The following HARBI1 variants were observed in gnomAD, a reference collection of about 807,000 sequenced individuals.
HARBI1 encodes putative nuclease HARBI1.
Under a neutral mutation model 25.3 loss-of-function variants are expected in HARBI1, and 15 were observed. That is an observed-to-expected ratio of 0.59 (90% confidence interval 0.40 to 0.91). The LOEUF (loss-of-function observed/expected upper bound fraction) is 0.91, where lower values mean the gene tolerates loss of function less well. Among genes scored for constraint, HARBI1 ranks in the 40% least tolerant of loss-of-function variants. The probability of loss-of-function intolerance (pLI) is 0.00; values close to 1 mark genes in which losing one functional copy is unlikely to be tolerated. For synonymous variants in HARBI1, 168 were observed against 160.5 expected (o/e 1.05, Z -0.35); for missense variants, 396 against 445.8 (o/e 0.89, Z 1.01).
intron 1 of HARBI1, 155 bp downstream of exon 1, chr11:46,616,969 T>C: frequency 1.0e-6 from 1 of 983,738 alleles, no homozygotes; most frequent in Non-Finnish European, 1.2e-6. Context: ...GGCCAGGAAG[T>C]ACGGAAGACC....
At chr11:46,614,936 G>C (rs2045317414) in intron 2 of HARBI1, among the ~76,000 whole-genome samples, 2 of 152,046 alleles carry the variant, frequency 1.3e-5, no homozygotes, top group South Asian at 4.1e-4. Context: ...TTTTGAGATG[G>C]AGTTTTGCTC....
Position 46,611,687 on chromosome 11 carries a change from G to A in HARBI1, c.670+3881C>T, listed in dbSNP as rs548013922. On this transcript the variant is annotated intron_variant, in intron 2 of 2. Coordinates refer to ENST00000326737, the MANE Select transcript of HARBI1 (RefSeq NM_173811.4). ...AATCACACCACTGCACTCCAGCCTGGGTGACAGAGTGAGACCCCGTGACAA... is the reference window on the plus strand; with the variant it reads ...AATCACACCACTGCACTCCAGCCTGAGTGACAGAGTGAGACCCCGTGACAA... Among the ~76,000 whole-genome samples, 8 of 151,430 alleles carry A rather than the reference G, an allele frequency of 5.3e-5. No homozygotes were observed. In the South Asian group the frequency reaches 1.5e-3, roughly 28 times the overall value.
chr11:46,613,505 CAG>C (rs1485246418), intron 2 of HARBI1, among the ~76,000 whole-genome samples: 2 of 116,044 alleles, frequency 1.7e-5, no homozygotes, highest in East Asian at 2.7e-4. Flanking sequence ...TTTTTTGAGA[CAG>C]AGTCTCCCTC....
chr11:46,607,730 A>G (rs1015729848), intron 2 of HARBI1, among the ~76,000 whole-genome samples: 9 of 152,154 alleles, frequency 5.9e-5, no homozygotes, highest in Non-Finnish European at 1.2e-4. Context: ...CATCCACAAG[A>G]CATTTTGGCA....
In HARBI1 at chr11:46,602,990, C is replaced by A. The variant is rs944178512; in HGVS notation, c.*540G>T. The A allele has an allele frequency of 1.3e-5, 2 of 152,152 alleles. No homozygotes were observed. The highest frequency in any genetic ancestry group is 2.9e-5 in the Non-Finnish European group (2 of 68,372). 9.4% of individuals were successfully genotyped at this position (152,152 alleles called of 1,614,324 possible). A position where few individuals can be genotyped will look rare whatever the true frequency, so the allele number is the denominator to read the frequency against. ...TACCGAGTAGCTGGGATTACAGGCA[C>A]CTGTCACCACGCCCAGCTAATTTTT... On this transcript the variant is annotated 3_prime_UTR_variant, in exon 3 of 3. Transcript: ENST00000326737.
chr11:46,607,769 T>C (rs551382604), intron 2 of HARBI1, among the ~76,000 whole-genome samples: 1 of 152,246 alleles, frequency 6.6e-6, no homozygotes, highest in African/African-American at 2.4e-5. Flanking sequence ...TTAATAGGAC[T>C]AGGCCAAGAG....
At chr11:46,604,559 C>G in intron 2 of HARBI1, 1 of 985,272 alleles carries the variant, frequency 1.0e-6, no homozygotes, top group South Asian at 4.7e-5. Context: ...GCCAAGAGAT[C>G]CCAAAACACT....
intron 2 of HARBI1, chr11:46,604,218 C>A: frequency 2.0e-6 from 2 of 985,310 alleles, no homozygotes; most frequent in South Asian, 4.7e-5. Context: ...AAATAAAATT[C>A]CTGCATTTGG....
Position 46,616,195 on chromosome 11 carries a change from A to G in HARBI1, c.43T>C (p.Tyr15His). ...ITVLDCDLLL[Y>H]GRGHRTLDRF... is the part of the protein sequence containing the mutation. Reference sequence around the variant, plus strand: ...TCCAATGTCCGGTGACCACGGCCATATAGCAAGAGGTCACAGTCAAGCACT... The same window carrying G: ...TCCAATGTCCGGTGACCACGGCCATGTAGCAAGAGGTCACAGTCAAGCACT... Residue 15 changes from tyrosine (Y) to histidine (H), a missense_variant, in exon 2 of 3, where the codon TAT becomes CAT. Physicochemically the swap from Tyr to His is moderately conservative, Grantham distance 83. Transcript: ENST00000326737. 1 of 1,612,754 alleles carries G rather than the reference A, an allele frequency of 6.2e-7. No homozygotes were observed. Among genetic ancestry groups the G allele is most frequent in the Non-Finnish European group, 8.5e-7 (1 of 1,180,038 alleles).
intron 2 of HARBI1, among the ~76,000 whole-genome samples, chr11:46,608,850 G>A (rs957407846): frequency 6.6e-6 from 1 of 151,740 alleles, no homozygotes; most frequent in Non-Finnish European, 1.5e-5. Flanking sequence ...CCTGACCTCA[G>A]GTGATCTGCC....
intron 2 of HARBI1, among the ~76,000 whole-genome samples, chr11:46,612,570 G>C (rs2045223676): frequency 6.6e-6 from 1 of 152,104 alleles, no homozygotes. Flanking sequence ...AACTCGGGCA[G>C]ATCTGTGAAG....
In HARBI1 at chr11:46,607,170, GAAAA is replaced by G. The variant is rs1000394734; in HGVS notation, c.671-3265_671-3262del. Among the ~76,000 whole-genome samples the G allele has an allele frequency of 2.1e-5, 3 of 146,226 alleles. No individual in the cohort carries two copies. In the Admixed American group the frequency reaches 2.1e-4, roughly 10 times the overall value. Reference sequence around the variant, plus strand: ...GCCCCAGCTACAGGAGGCTGAGGTAGAAAACTGTTTGAACCTGGGAGGTAGAGGA... The same window carrying G: ...GCCCCAGCTACAGGAGGCTGAGGTAGCTGTTTGAACCTGGGAGGTAGAGGA... On this transcript the variant is annotated intron_variant, in intron 2 of 2. Coordinates refer to ENST00000326737, the MANE Select transcript of HARBI1 (RefSeq NM_173811.4).
Position 46,615,653 on chromosome 11 carries a change from G to A in HARBI1, c.585C>T (p.Gly195=). ...GCAGCACAGCACAGTCCTGTAGGCT[G>A]CCGGGCCAGTTTGTCTCCACGGTCA... is the stretch of plus-strand genomic sequence containing the variant. The part of the protein sequence containing the change: ...TLMTVETNWP[G]SLQDCAVLQQ... The change falls in exon 2 of 3, where the codon GGC becomes GGT. Residue 195 remains glycine (G), a synonymous_variant. Coordinates refer to ENST00000326737, the MANE Select transcript of HARBI1 (RefSeq NM_173811.4). The A allele has an allele frequency of 6.2e-7, 1 of 1,614,192 alleles. No individual in the cohort carries two copies. The highest frequency in any genetic ancestry group is 8.5e-7 in the Non-Finnish European group (1 of 1,180,036).
At position 46,616,393 on chromosome 11, in the gene HARBI1, A is replaced by G; in HGVS notation, c.-144-12T>C. 2.1e-6 allele frequency: 3 copies of G among 1,426,674 alleles called. No homozygotes were observed. Among genetic ancestry groups the G allele is most frequent in the Non-Finnish European group, 1.8e-6 (2 of 1,097,322 alleles). The allele number at this position is 1,426,674 out of a possible 1,614,324, so 88.4% of individuals were successfully genotyped here. A position where few individuals can be genotyped will look rare whatever the true frequency, so the allele number is the denominator to read the frequency against. Reference sequence around the variant, plus strand: ...TTATAATCTTCTCTCTGTAAATGTTAAAAGAAAAAACATTAGGAACCTACC... The same window carrying G: ...TTATAATCTTCTCTCTGTAAATGTTGAAAGAAAAAACATTAGGAACCTACC... On this transcript the variant is annotated splice_polypyrimidine_tract_variant and intron_variant, in intron 1 of 2. Transcript: ENST00000326737.
At position 46,616,220 on chromosome 11, in the gene HARBI1, T is replaced by C; in HGVS notation, c.18A>G (p.Thr6=). 6.2e-7 allele frequency: 1 copy of C among 1,609,746 alleles called. No individual in the cohort carries two copies. Among genetic ancestry groups the C allele is most frequent in the Non-Finnish European group, 8.5e-7 (1 of 1,179,776 alleles). The part of the protein sequence containing the change: MAIPI[T]VLDCDLLLYG... ...ATAGCAAGAGGTCACAGTCAAGCAC[T>C]GTTATTGGTATAGCCATGGTAAATG... The change falls in exon 2 of 3, where the codon ACA becomes ACG. Residue 6 remains threonine, a synonymous_variant. Coordinates refer to ENST00000326737, the MANE Select transcript of HARBI1 (RefSeq NM_173811.4).
At chr11:46,610,363 A>G (rs907718157) in intron 2 of HARBI1, among the ~76,000 whole-genome samples, 3 of 148,322 alleles carry the variant, frequency 2.0e-5, no homozygotes, top group African/African-American at 7.4e-5. Flanking sequence ...ATATATATAT[A>G]TAAAATAATA....
intron 2 of HARBI1, among the ~76,000 whole-genome samples, chr11:46,610,028 T>C (rs1471129026): frequency 3.3e-5 from 5 of 151,660 alleles, no homozygotes; most frequent in African/African-American, 1.2e-4. Flanking sequence ...AATTTTTGTA[T>C]TTTTTGTAGA....
rs1380694112 is a variant in HARBI1, at chr11:46,603,750, G to A, written c.830C>T (p.Ser277Phe). Residue 277 changes from serine (S) to phenylalanine (F), a missense_variant, in exon 3 of 3, where the codon TCC (serine) becomes TTC (phenylalanine). Ser to Phe is a radical substitution (Grantham distance 155, BLOSUM62 -2). Transcript: ENST00000326737. ...LCSRFRCLDG[S>F]KGALQYSPEK... Reference sequence around the variant, plus strand: ...TGGTGAGTACTGCAGTGCCCCCTTGGATCCATCCAGGCAGCGGAATCGGGA... The same window carrying A: ...TGGTGAGTACTGCAGTGCCCCCTTGAATCCATCCAGGCAGCGGAATCGGGA... 1 of 1,614,158 alleles carries A rather than the reference G, an allele frequency of 6.2e-7. No individual in the cohort carries two copies. Among genetic ancestry groups the A allele is most frequent in the Non-Finnish European group, 8.5e-7 (1 of 1,180,018 alleles).
chr11:46,617,322 A>G (rs1473302975), upstream of HARBI1: 1 of 151,928 alleles, frequency 6.6e-6, no homozygotes, highest in Non-Finnish European at 1.5e-5. Flanking sequence ...CACATTCCAC[A>G]CGCGGCCCAA....
Sources: allele counts gnomAD v4.1 joint callset (sites outside exome capture counted in the v4.1 genomes callset), GRCh38; gene constraint gnomAD v4.1.1; transcripts MANE v1.5; gene names NCBI Gene and HGNC (gene_info 2026-07-23, HGNC 2026-07-21).